The following NLGN4X variants were observed in gnomAD, a reference collection of about 807,000 sequenced individuals.
The protein encoded by NLGN4X is neuroligin-4, X-linked.
Under a neutral mutation model 40.3 loss-of-function variants are expected in NLGN4X, and 3 were observed. The observed-to-expected ratio is 0.07, with a 90% CI of 0.03 to 0.19. NLGN4X has a LOEUF of 0.19. Ranked by LOEUF, NLGN4X falls within the 10% of genes least tolerant of loss-of-function variation. The pLI, the probability that NLGN4X is intolerant of heterozygous loss-of-function variation, is 1.00. For synonymous variants in NLGN4X, 270 were observed against 306.8 expected, an observed-to-expected ratio of 0.88 and a Z score of 1.25; for missense variants, 382 against 708.3, an observed-to-expected ratio of 0.54 and a Z score of 5.23.
At chrX:6,077,071 T>C (rs998812030) in intron 2 of NLGN4X, among the ~76,000 whole-genome samples, 5 of 112,152 alleles carry the variant, frequency 4.5e-5, no homozygotes. Context: ...CATTCCTACA[T>C]GCATTTTAAA....
At chrX:5,918,359 A>G (rs1285643520) in intron 3 of NLGN4X, among the ~76,000 whole-genome samples, 1 of 112,245 alleles carries the variant, frequency 8.9e-6, no homozygotes, top group Admixed American at 9.5e-5. Flanking sequence ...TAGATGAACT[A>G]GAATTCATAT....
At chrX:6,020,470 G>A (rs2036502256) in intron 3 of NLGN4X, among the ~76,000 whole-genome samples, 3 of 111,920 alleles carry the variant, frequency 2.7e-5, no homozygotes, top group Non-Finnish European at 5.6e-5. Flanking sequence ...GAGAGGAAAC[G>A]GGAGATGTTG....
At chrX:5,987,830 C>A (rs906174721) in intron 3 of NLGN4X, among the ~76,000 whole-genome samples, 2 of 111,846 alleles carry the variant, frequency 1.8e-5, no homozygotes, top group East Asian at 2.8e-4. Context: ...TCCCAGCACT[C>A]TGGGAGGCTG....
intron 5 of NLGN4X, among the ~76,000 whole-genome samples, chrX:5,902,445 A>G (rs1196489455): frequency 9.0e-6 from 1 of 110,805 alleles, no homozygotes; most frequent in Non-Finnish European, 1.9e-5. Context: ...TGAACCCATG[A>G]GCTCGAGGCT....
intron 1 of NLGN4X, among the ~76,000 whole-genome samples, chrX:6,214,624 G>A (rs778673442): frequency 1.1e-4 from 12 of 111,623 alleles, no homozygotes; most frequent in Non-Finnish European, 1.5e-4. Context: ...AGCCAAGTGC[G>A]GTGGCTCGCA....
Position 6,149,565 on chromosome X carries a change from G to A in NLGN4X, c.472+1430C>T, listed in dbSNP as rs139601811. ...CACACAAAGAGGGACTGTTAGGCAC[G>A]GAGACAGCTCAGAACACCCCATGGA... On this transcript the variant is annotated intron_variant, in intron 2 of 5. Coordinates refer to ENST00000381095, the MANE Select transcript of NLGN4X (RefSeq NM_181332.3). Among the ~76,000 whole-genome samples, 760 of 111,356 alleles carry A rather than the reference G, an allele frequency of 6.8e-3. 2 individuals are homozygous for A. Among genetic ancestry groups the A allele is most frequent in the Non-Finnish European group, 9.9e-3 (527 of 53,128 alleles).
At chrX:5,943,425 C>A (rs1322587555) in intron 3 of NLGN4X, among the ~76,000 whole-genome samples, 1 of 111,879 alleles carries the variant, frequency 8.9e-6, no homozygotes, top group Non-Finnish European at 1.9e-5. Context: ...GAGCTACTCA[C>A]ACTTCAGAGC....
chrX:6,163,733 T>C (rs2040446050), intron 1 of NLGN4X, among the ~76,000 whole-genome samples: 1 of 111,752 alleles, frequency 8.9e-6, no homozygotes, highest in Non-Finnish European at 1.9e-5. Flanking sequence ...ACCACCAAGA[T>C]TTACAAAGAG....
rs1295149315 is a variant in NLGN4X at position 6,014,117 on chromosome X, G to C, written c.625+15163C>G. 3.7e-5 allele frequency among the ~76,000 whole-genome samples: 4 copies of C among 108,972 alleles called. No homozygotes were observed. The East Asian group carries it at 1.2e-3, about 31-fold the overall frequency. 94.6% of individuals were successfully genotyped at this position (108,972 alleles called of 115,157 possible). On this transcript the variant is annotated intron_variant, in intron 3 of 5. Coordinates refer to ENST00000381095, the MANE Select transcript of NLGN4X (RefSeq NM_181332.3). ...GAATCACTTGAACCCGGGAGGGGGA[G>C]GTTGCAGTGAGCTGAGATCGCGCCA...
chrX:6,148,655 A>C (rs936370430), intron 2 of NLGN4X, among the ~76,000 whole-genome samples: 1 of 110,673 alleles, frequency 9.0e-6, no homozygotes, highest in Non-Finnish European at 1.9e-5. Context: ...AGCTGGGATT[A>C]CAGACACGCG....
chrX:6,213,587 T>C (rs1256822667), intron 1 of NLGN4X, among the ~76,000 whole-genome samples: 4 of 112,557 alleles, frequency 3.6e-5, no homozygotes, highest in African/African-American at 1.3e-4. Flanking sequence ...CTTTGCAACC[T>C]TTCAGCAAAC....
intron 3 of NLGN4X, among the ~76,000 whole-genome samples, chrX:6,006,519 AT>A (rs928815614): frequency 9.0e-6 from 1 of 111,432 alleles, no homozygotes; most frequent in Non-Finnish European, 1.9e-5. Flanking sequence ...GATGTTAAGA[AT>A]ACACTTAACA....
chrX:6,068,941 T>C (rs2037991339), intron 2 of NLGN4X, among the ~76,000 whole-genome samples: 1 of 112,459 alleles, frequency 8.9e-6, no homozygotes, highest in African/African-American at 3.2e-5. Flanking sequence ...CTTGTAGTTC[T>C]GGTGCTAAGA....
At chrX:5,953,308 T>C (rs919219257) in intron 3 of NLGN4X, among the ~76,000 whole-genome samples, 1 of 110,719 alleles carries the variant, frequency 9.0e-6, no homozygotes, top group Non-Finnish European at 1.9e-5. Context: ...CCCAGGAGAT[T>C]GAGGCGGCAG....
chrX:6,037,169 G>A (rs1463387220), intron 2 of NLGN4X, among the ~76,000 whole-genome samples: 2 of 110,058 alleles, frequency 1.8e-5, no homozygotes, highest in African/African-American at 6.6e-5. Flanking sequence ...AGCCAGACAT[G>A]GTGGTGCATG....
At chrX:6,214,069 G>A (rs185256601) in intron 1 of NLGN4X, among the ~76,000 whole-genome samples, 1 of 111,796 alleles carries the variant, frequency 8.9e-6, no homozygotes, top group East Asian at 2.8e-4. Context: ...TAATTCTCAG[G>A]TCAACAGAAA....
chrX:6,225,137 T>C (rs1926097605), intron 1 of NLGN4X, among the ~76,000 whole-genome samples: 1 of 104,031 alleles, frequency 9.6e-6, no homozygotes, highest in Admixed American at 1.0e-4. Context: ...TCTGAGAAAA[T>C]ACATGCTTGC....
intron 1 of NLGN4X, among the ~76,000 whole-genome samples, chrX:6,219,502 C>T (rs1371051504): frequency 9.8e-6 from 1 of 101,689 alleles, no homozygotes; most frequent in Non-Finnish European, 2.0e-5. Context: ...ATCTATCATC[C>T]TTCTCCCTCC....
At chrX:5,993,396 G>A (rs1042369514) in intron 3 of NLGN4X, among the ~76,000 whole-genome samples, 1 of 111,780 alleles carries the variant, frequency 8.9e-6, no homozygotes, top group Non-Finnish European at 1.9e-5. Context: ...AATGACATTT[G>A]GAATCAGATC....
Sources: allele counts gnomAD v4.1 joint callset (sites outside exome capture counted in the v4.1 genomes callset), GRCh38; gene constraint gnomAD v4.1.1; transcripts MANE v1.5; gene names NCBI Gene and HGNC (gene_info 2026-07-23, HGNC 2026-07-21).